FBXL18: variants seen among roughly 807,000 people sequenced by gnomAD.
The protein encoded by FBXL18 is F-box and leucine rich repeat protein 18, also known as F-box/LRR-repeat protein 18.
Under a neutral mutation model 46.0 loss-of-function variants are expected in FBXL18, and 36 were observed. The observed-to-expected ratio is 0.78, with a 90% CI of 0.60 to 1.03. The LOEUF (loss-of-function observed/expected upper bound fraction) is 1.03, where lower values mean the gene tolerates loss of function less well. FBXL18 is among the 50% of genes least tolerant of loss of function. The probability of loss-of-function intolerance (pLI) is 0.00; values close to 1 mark genes in which losing one functional copy is unlikely to be tolerated. For synonymous variants in FBXL18, 557 were observed against 465.3 expected, an observed-to-expected ratio of 1.20 and a Z score of -2.54; for missense variants, 977 against 1,004.1, an observed-to-expected ratio of 0.97 and a Z score of 0.36.
chr7:5,492,100 C>T (rs907787780), intron 3 of FBXL18, among the ~76,000 whole-genome samples: 5 of 150,190 alleles, frequency 3.3e-5, no homozygotes, highest in South Asian at 2.1e-4. Context: ...GCAGCCAGGG[C>T]AGGGGGGAGG....
chr7:5,472,021 G>A (rs1025418025), downstream of FBXL18, among the ~76,000 whole-genome samples: 2 of 152,154 alleles, frequency 1.3e-5, no homozygotes, highest in African/African-American at 2.4e-5. Context: ...CCAGGAGGTC[G>A]AGGCTGCAGT....
At chr7:5,511,472 G>A (rs191134050) in intron 1 of FBXL18, among the ~76,000 whole-genome samples, 49 of 152,206 alleles carry the variant, frequency 3.2e-4, no homozygotes, top group African/African-American at 1.1e-3. Context: ...CGGACGTAGT[G>A]GCACGCGCCT....
chr7:5,484,520 C>CT (rs199600428), intron 4 of FBXL18, among the ~76,000 whole-genome samples: 4,828 of 144,052 alleles, frequency 0.034, 96 homozygotes, highest in Middle Eastern at 0.048. Context: ...GGTGATTTTT[C>CT]TTTTTTTTTC....
rs202188256 is a variant in FBXL18 at position 5,490,237 on chromosome 7, C to T, written c.2000+994G>A. Reference sequence around the variant, plus strand: ...CCTGCAGGGACACGAACACTCAGGGCGTTCATGTCCTGCTGCCCCCTTGGC... The same window carrying T: ...CCTGCAGGGACACGAACACTCAGGGTGTTCATGTCCTGCTGCCCCCTTGGC... On this transcript the variant is annotated intron_variant, in intron 4 of 4. Coordinates refer to ENST00000382368, the MANE Select transcript of FBXL18 (RefSeq NM_024963.6). 3.5e-4 allele frequency: 464 copies of T among 1,311,298 alleles called. 4 individuals carry two copies. Among genetic ancestry groups the T allele is most frequent in the South Asian group, 3.3e-3 (272 of 82,166 alleles). 81.2% of individuals were successfully genotyped at this position (1,311,298 alleles called of 1,614,324 possible). A position where few individuals can be genotyped will look rare whatever the true frequency, so the allele number is the denominator to read the frequency against.
rs1002537555 is a variant in FBXL18 at position 5,496,367 on chromosome 7, C to A, written c.1781+4121G>T. On this transcript the variant is annotated intron_variant, in intron 3 of 4. Coordinates refer to ENST00000382368, the MANE Select transcript of FBXL18 (RefSeq NM_024963.6). This position sits in a 1 kb window ranked among gnomAD's most constrained non-coding sequence, Gnocchi z 4.8. ...CACCCCCTCCCTCCGGCCAGTGCCTCCCTTGCTGACAGCCTCTGCTCGGTC... is the reference window on the plus strand; with the variant it reads ...CACCCCCTCCCTCCGGCCAGTGCCTACCTTGCTGACAGCCTCTGCTCGGTC... Among the ~76,000 whole-genome samples, 2 of 152,226 alleles carry A rather than the reference C, an allele frequency of 1.3e-5. No individual in the cohort carries two copies. The highest frequency in any genetic ancestry group is 2.9e-5 in the Non-Finnish European group (2 of 68,054).
intron 4 of FBXL18, among the ~76,000 whole-genome samples, chr7:5,484,639 AT>A (rs571301335): frequency 0.036 from 4,923 of 137,558 alleles, 96 homozygotes; most frequent in Middle Eastern, 0.055. Flanking sequence ...TGACCAGCTA[AT>A]TTTTTTTTTT....
In FBXL18 at chr7:5,491,213, G is replaced by T. The variant is rs751480170; in HGVS notation, c.2000+18C>A. On this transcript the variant is annotated intron_variant, in intron 4 of 4. Coordinates refer to ENST00000382368, the MANE Select transcript of FBXL18 (RefSeq NM_024963.6). ...ATTTCTGCGGCCCCTGAAGCTGTAC[G>T]CAACCCACATCACTCACCTGCGGAG... 2 of 1,598,910 alleles carry T rather than the reference G, an allele frequency of 1.3e-6. No individual in the cohort carries two copies. Among genetic ancestry groups the T allele is most frequent in the Non-Finnish European group, 1.7e-6 (2 of 1,172,272 alleles).
intron 1 of FBXL18, among the ~76,000 whole-genome samples, chr7:5,513,363 G>T (rs978929810): frequency 1.3e-5 from 2 of 152,148 alleles, no homozygotes; most frequent in African/African-American, 4.8e-5. Flanking sequence ...TGAGAAAGGG[G>T]TCTCGGAGGA....
chr7:5,467,957 G>A (rs1028542700), intron 4 of FBXL18, among the ~76,000 whole-genome samples: 1 of 151,764 alleles, frequency 6.6e-6, no homozygotes, highest in Non-Finnish European at 1.5e-5. Context: ...AGCAGGACCC[G>A]AAATCCAATG....
chr7:5,507,900 C>T (rs550300340), intron 1 of FBXL18, among the ~76,000 whole-genome samples: 1 of 152,064 alleles, frequency 6.6e-6, no homozygotes, highest in South Asian at 2.1e-4. Flanking sequence ...TTTTGGGAGG[C>T]TGAGGAGGGC....
downstream of FBXL18, among the ~76,000 whole-genome samples, chr7:5,474,785 G>A (rs1468355700): frequency 6.6e-6 from 1 of 150,792 alleles, no homozygotes. Context: ...TCGGCTCACT[G>A]CAAGCTCCGC....
chr7:5,506,169 C>T (rs1470543579), intron 1 of FBXL18, among the ~76,000 whole-genome samples: 1 of 152,148 alleles, frequency 6.6e-6, no homozygotes, highest in Non-Finnish European at 1.5e-5. Flanking sequence ...CTATGCTGCC[C>T]AGGCTGGTCT....
At chr7:5,498,532 G>A (rs776776193) in intron 3 of FBXL18, among the ~76,000 whole-genome samples, 45 of 152,232 alleles carry the variant, frequency 3.0e-4, no homozygotes, top group Non-Finnish European at 5.4e-4. Context: ...TGGGATTACA[G>A]GCGTGAGCCG....
At chr7:5,457,334 A>T (rs1452230599) in intron 4 of FBXL18, among the ~76,000 whole-genome samples, 1 of 152,254 alleles carries the variant, frequency 6.6e-6, no homozygotes, top group African/African-American at 2.4e-5. Context: ...GGAATAAACA[A>T]GGAATCCCAC....
chr7:5,492,390 CCT>C (rs1230194301), intron 3 of FBXL18, among the ~76,000 whole-genome samples: 2 of 151,308 alleles, frequency 1.3e-5, no homozygotes, highest in Non-Finnish European at 2.9e-5. Context: ...GCAGCGAGCC[CCT>C]GAGATAAGAA....
At chr7:5,483,052 A>C (rs1450944722) in intron 4 of FBXL18, among the ~76,000 whole-genome samples, 1 of 151,520 alleles carries the variant, frequency 6.6e-6, no homozygotes, top group African/African-American at 2.4e-5. Flanking sequence ...AAAAAAAAGA[A>C]AAAGAAGAAG....
In FBXL18 at chr7:5,505,401, C is replaced by T. The variant is rs372662038; in HGVS notation, c.237+11G>A. 5.8e-5 allele frequency: 93 copies of T among 1,613,016 alleles called. 1 individual carries two copies. The South Asian group carries it at 8.5e-4, about 15-fold the overall frequency. On this transcript the variant is annotated intron_variant, in intron 2 of 4. Transcript: ENST00000382368. ...GCTTGTTTCTCATCTCCTGCCCCCA[C>T]GCCTGCTCACCTGATAGTCCTTTTG...
At chr7:5,472,020 C>T (rs972810187), downstream of FBXL18, among the ~76,000 whole-genome samples, 2 of 152,068 alleles carry the variant, frequency 1.3e-5, no homozygotes, top group African/African-American at 2.4e-5. Flanking sequence ...CCCAGGAGGT[C>T]GAGGCTGCAG....
chr7:5,475,732 G>C (rs984980612), downstream of FBXL18: 6 of 152,278 alleles, frequency 3.9e-5, no homozygotes, highest in African/African-American at 1.4e-4. The surrounding 1 kb of genome is among the most constrained non-coding windows in gnomAD (Gnocchi z 4.2). Flanking sequence ...ACCAGCCTCG[G>C]ACCCAAGGAA....
Sources: gnomAD v4.1 joint callset for allele counts (sites outside exome capture counted in the v4.1 genomes callset) on GRCh38, gnomAD v4.1.1 for gene constraint, Gnocchi (gnomAD v3.1) non-coding constraint, MANE v1.5 for transcripts, NCBI Gene and HGNC (gene_info 2026-07-23, HGNC 2026-07-21) for gene names.